The following DLG5 variants were observed in gnomAD, a reference collection of about 807,000 sequenced individuals.
DLG5 encodes the protein discs large MAGUK scaffold protein 5, also known as disks large homolog 5.
In DLG5, 48 loss-of-function variants were observed where a neutral mutation model predicts 189.8. The observed-to-expected ratio is 0.25, with a 90% CI of 0.20 to 0.32. DLG5 has a LOEUF of 0.32. DLG5 is among the 10% of genes least tolerant of loss of function. DLG5 has a pLI of 1.00. For synonymous variants in DLG5, 1,016 were observed against 1,054.1 expected, an observed-to-expected ratio of 0.96 and a Z score of 0.70; for missense variants, 2,160 against 2,544.7, an observed-to-expected ratio of 0.85 and a Z score of 3.25.
At chr10:77,938,579 G>A in the DLG5 span, among the ~76,000 whole-genome samples, 1 of 152,278 alleles carries the variant, frequency 6.6e-6, no homozygotes, top group African/African-American at 2.4e-5. Context: ...CAGGGACTCA[G>A]GTCTGAGAGG....
At chr10:77,858,646 AT>A (rs2154576810) in intron 2 of DLG5, among the ~76,000 whole-genome samples, 1 of 152,330 alleles carries the variant, frequency 6.6e-6, no homozygotes, top group South Asian at 2.1e-4. Flanking sequence ...TCTAAAAAAA[AT>A]AAATTAAAAG....
chr10:77,883,838 A>G (rs1411372418), intron 1 of DLG5, among the ~76,000 whole-genome samples: 1 of 151,914 alleles, frequency 6.6e-6, no homozygotes, highest in African/African-American at 2.4e-5. Context: ...CTGGGATTAC[A>G]GGTACCTGCC....
chr10:77,873,917 AGG>A, intron 1 of DLG5, among the ~76,000 whole-genome samples: 1 of 152,356 alleles, frequency 6.6e-6, no homozygotes, highest in African/African-American at 2.4e-5. Context: ...AAGACAGAGC[AGG>A]AAGTGCTGCC....
At chr10:77,849,791 G>A (rs1316150990) in intron 5 of DLG5, among the ~76,000 whole-genome samples, 1 of 152,248 alleles carries the variant, frequency 6.6e-6, no homozygotes, top group Non-Finnish European at 1.5e-5. Context: ...CTGAGCAGGT[G>A]CTCAAGAAAG....
intron 6 of DLG5, among the ~76,000 whole-genome samples, chr10:77,842,845 G>C (rs550233964): frequency 2.6e-5 from 4 of 152,204 alleles, no homozygotes; most frequent in Non-Finnish European, 5.9e-5. Context: ...CACGCTGAAG[G>C]CTCTGAGAAG....
At chr10:77,939,700 T>C in the DLG5 span, among the ~76,000 whole-genome samples, 1 of 152,196 alleles carries the variant, frequency 6.6e-6, no homozygotes, top group Non-Finnish European at 1.5e-5. Flanking sequence ...GAGAAACAGC[T>C]GCCAGATGGA....
At position 77,796,653 on chromosome 10, in the gene DLG5, G is replaced by GGCTGGGGAACCCC; in HGVS notation, c.5165-72_5165-60dup. 6.2e-7 allele frequency: 1 copy of GGCTGGGGAACCCC among 1,603,900 alleles called. No homozygotes were observed. The highest frequency in any genetic ancestry group is 8.5e-7 in the Non-Finnish European group (1 of 1,172,858). On this transcript the variant is annotated intron_variant, in intron 27 of 31. Transcript: ENST00000372391. This position sits in a 1 kb window ranked among gnomAD's most constrained non-coding sequence, Gnocchi z 5.2. ...AGCTTGGAGTGGAGGACCTGAGTGG[G>GGCTGGGGAACCCC]GCTGGGGAACCCCGCTCCCTGACCT... is the stretch of plus-strand genomic sequence containing the variant.
rs1016263446 is a variant in DLG5, at chr10:77,902,809, G to A, written c.304+23408C>T. Reference sequence around the variant, plus strand: ...CAGCAGGCGGAGCTTGCAGTGAGCCGAGATCGTACCACTGCACTCCAGTCT... The same window carrying A: ...CAGCAGGCGGAGCTTGCAGTGAGCCAAGATCGTACCACTGCACTCCAGTCT... On this transcript the variant is annotated intron_variant, in intron 1 of 31. Transcript: ENST00000372391. Among the ~76,000 whole-genome samples, 8 of 151,936 alleles carry A rather than the reference G, an allele frequency of 5.3e-5. No individual in the cohort carries two copies. In the East Asian group the frequency reaches 5.8e-4, roughly 11 times the overall value.
In DLG5 at chr10:77,805,977, C is replaced by T; in HGVS notation, c.4968-116G>A. ...CCAGACACTGGGCTCCCCCCACACT[C>T]CTTGGCAGGTCTCAAGGCTACATCT... is the stretch of plus-strand genomic sequence containing the variant. On this transcript the variant is annotated intron_variant, in intron 26 of 31. Coordinates refer to ENST00000372391, the MANE Select transcript of DLG5 (RefSeq NM_004747.4). 3 of 1,013,178 alleles carry T rather than the reference C, an allele frequency of 3.0e-6. 1 individual carries two copies. Among genetic ancestry groups the T allele is most frequent in the Non-Finnish European group, 4.3e-6 (3 of 690,320 alleles). The allele number at this position is 1,013,178 out of a possible 1,614,324, so 62.8% of individuals were successfully genotyped here. A position where few individuals can be genotyped will look rare whatever the true frequency, so the allele number is the denominator to read the frequency against.
Position 77,869,118 on chromosome 10 carries a change from G to A in DLG5, c.373+11C>T. Reference sequence around the variant, plus strand: ...GCCCACCCGGTGTCCTCCCCAGACAGTGGTACTCACCCACACTGCTGAGGG... The same window carrying A: ...GCCCACCCGGTGTCCTCCCCAGACAATGGTACTCACCCACACTGCTGAGGG... On this transcript the variant is annotated intron_variant, in intron 2 of 31. Transcript: ENST00000372391. 6.2e-7 allele frequency: 1 copy of A among 1,613,140 alleles called. No homozygotes were observed. The highest frequency in any genetic ancestry group is 8.5e-7 in the Non-Finnish European group (1 of 1,179,362).
chr10:77,897,736 G>A (rs1369988443), intron 1 of DLG5, among the ~76,000 whole-genome samples: 1 of 149,338 alleles, frequency 6.7e-6, no homozygotes, highest in Admixed American at 6.7e-5. Context: ...ATAGGAAAGA[G>A]ACAAAAGAAA....
intron 2 of DLG5, chr10:77,868,196 T>C (rs1034196699): frequency 1.8e-5 from 8 of 434,954 alleles, no homozygotes; most frequent in African/African-American, 1.2e-4. Context: ...ATAGCAGCCC[T>C]AGAAAACTAA....
intron 1 of DLG5, among the ~76,000 whole-genome samples, chr10:77,874,347 G>A (rs1845018378): frequency 6.6e-6 from 1 of 152,214 alleles, no homozygotes; most frequent in African/African-American, 2.4e-5. Context: ...CAGTAAAATG[G>A]GATGATAGAA....
chr10:77,817,530 G>A (rs1346099810), intron 18 of DLG5, among the ~76,000 whole-genome samples: 1 of 152,220 alleles, frequency 6.6e-6, no homozygotes, highest in Non-Finnish European at 1.5e-5. Flanking sequence ...GCTCCTAGCT[G>A]AGGGGTCACC....
intron 7 of DLG5, among the ~76,000 whole-genome samples, chr10:77,837,071 C>CAA (rs1843174131): frequency 6.6e-6 from 1 of 151,666 alleles, no homozygotes; most frequent in Non-Finnish European, 1.5e-5. Context: ...AAAAATTAGC[C>CAA]AGACATGGTG....
At chr10:77,847,460 C>G (rs1843751587) in intron 5 of DLG5, among the ~76,000 whole-genome samples, 1 of 152,168 alleles carries the variant, frequency 6.6e-6, no homozygotes, top group South Asian at 2.1e-4. Flanking sequence ...GCCCCAAACA[C>G]TTCTCACCCT....
intron 1 of DLG5, among the ~76,000 whole-genome samples, chr10:77,911,892 A>C (rs1846231685): frequency 6.7e-6 from 1 of 150,354 alleles, no homozygotes; most frequent in African/African-American, 2.4e-5. Flanking sequence ...AAGTGATAAC[A>C]TTTTCTTAAA....
chr10:77,927,000 G>A, upstream of DLG5: 1 of 344,372 alleles, frequency 2.9e-6, no homozygotes, highest in Non-Finnish European at 6.0e-6. The surrounding 1 kb of genome is among the most constrained non-coding windows in gnomAD (Gnocchi z 5.2). Context: ...CGACAGCTCC[G>A]GCCCGGCTCG....
chr10:77,850,771 C>T (rs1429952923), intron 5 of DLG5, among the ~76,000 whole-genome samples: 2 of 152,226 alleles, frequency 1.3e-5, no homozygotes, highest in East Asian at 3.8e-4. Context: ...GGGCACGCGG[C>T]GCCAGTGCCT....
Sources: allele counts gnomAD v4.1 joint callset (sites outside exome capture counted in the v4.1 genomes callset), GRCh38; gene constraint gnomAD v4.1.1; non-coding constraint Gnocchi (gnomAD v3.1); transcripts MANE v1.5; gene names NCBI Gene and HGNC (gene_info 2026-07-23, HGNC 2026-07-21).